Variants in TEX26 observed in about 807,000 individuals in gnomAD.
TEX26 encodes testis-expressed protein 26.
In TEX26, 34 loss-of-function variants were observed where a neutral mutation model predicts 35.3. The observed-to-expected ratio is 0.96, with a 90% CI of 0.73 to 1.28. TEX26 has a LOEUF of 1.28. Among genes scored for constraint, TEX26 ranks in the 50% most tolerant of loss-of-function variants. The pLI, the probability that TEX26 is intolerant of heterozygous loss-of-function variation, is 0.00. For synonymous variants in TEX26, 136 were observed against 111.8 expected (o/e 1.22, Z -1.36); for missense variants, 371 against 330.1 (o/e 1.12, Z -0.96).
rs78971116 is a variant in TEX26, at chr13:30,940,097, A to G, written c.146+319A>G. Among the ~76,000 whole-genome samples the G allele has an allele frequency of 8.9e-3, 1,353 of 152,264 alleles. 26 individuals are homozygous for G. Among genetic ancestry groups the G allele is most frequent in the African/African-American group, 0.03 (1,259 of 41,538 alleles). ...CTAAACATTCACGTGACTTGAATCC[A>G]TTCCCTAATATAGAGTAGGCAGGCA... On this transcript the variant is annotated intron_variant, in intron 2 of 6. Coordinates refer to ENST00000380473, the MANE Select transcript of TEX26 (RefSeq NM_152325.3).
chr13:30,969,606 G>C (rs1566169091), intron 6 of TEX26, among the ~76,000 whole-genome samples: 19 of 152,140 alleles, frequency 1.2e-4, no homozygotes, highest in Non-Finnish European at 1.5e-5. Context: ...GTCAGTCTGA[G>C]AGTGTATAAA....
chr13:30,975,019 A>G lies in TEX26; in HGVS notation c.*112A>G, dbSNP rs1954836487. On this transcript the variant is annotated 3_prime_UTR_variant, in exon 7 of 7. Transcript: ENST00000380473. Reference sequence around the variant, plus strand: ...AAATAAGATGCAAATAGCTTCAAGTATGATGTGATAGTCATGAATTTGTGT... The same window carrying G: ...AAATAAGATGCAAATAGCTTCAAGTGTGATGTGATAGTCATGAATTTGTGT... 5.9e-6 allele frequency: 4 copies of G among 676,818 alleles called. No homozygotes were observed. The highest frequency in any genetic ancestry group is 9.5e-6 in the Non-Finnish European group (4 of 419,598). The allele number at this position is 676,818 out of a possible 1,614,324, so 41.9% of individuals were successfully genotyped here.
intron 3 of TEX26, among the ~76,000 whole-genome samples, chr13:30,953,116 C>T (rs1010095472): frequency 1.3e-5 from 2 of 152,152 alleles, no homozygotes; most frequent in South Asian, 4.1e-4. Flanking sequence ...TACATACATG[C>T]TGTTGGACAG....
intron 2 of TEX26, among the ~76,000 whole-genome samples, chr13:30,950,174 G>A (rs1208639177): frequency 6.6e-6 from 1 of 152,210 alleles, no homozygotes; most frequent in Non-Finnish European, 1.5e-5. Flanking sequence ...GGGAGGCCAA[G>A]GCGGGTAGGT....
At chr13:30,971,339 T>C (rs886081673) in intron 6 of TEX26, among the ~76,000 whole-genome samples, 2 of 152,152 alleles carry the variant, frequency 1.3e-5, no homozygotes, top group Admixed American at 1.3e-4. Context: ...TATTATCAAC[T>C]CAGCTTAAAT....
chr13:30,967,895 G>A (rs7993586), intron 5 of TEX26, among the ~76,000 whole-genome samples: 42,096 of 152,070 alleles, frequency 0.28, 9,932 homozygotes, highest in African/African-American at 0.65. Flanking sequence ...AAACACCATC[G>A]TTCTTCTAAA....
intron 2 of TEX26, among the ~76,000 whole-genome samples, chr13:30,952,298 C>T (rs1019316318): frequency 6.6e-6 from 1 of 151,888 alleles, no homozygotes; most frequent in African/African-American, 2.4e-5. Context: ...TCTTGTATTT[C>T]TTCCCTTTAT....
At chr13:30,964,049 T>G (rs1336518408) in intron 4 of TEX26, among the ~76,000 whole-genome samples, 2 of 152,196 alleles carry the variant, frequency 1.3e-5, no homozygotes, top group Non-Finnish European at 2.9e-5. Context: ...AAACACACTA[T>G]GCAGTTTTTG....
At chr13:30,945,088 G>C (rs555692013) in intron 2 of TEX26, among the ~76,000 whole-genome samples, 1 of 151,810 alleles carries the variant, frequency 6.6e-6, no homozygotes, top group South Asian at 2.1e-4. Flanking sequence ...CTCATTTCTT[G>C]GGTCTAGTAG....
rs755014653 is a variant in TEX26 at position 30,956,967 on chromosome 13, A to G, written c.407A>G (p.Asn136Ser). The stretch of plus-strand genomic sequence containing the variant: ...ATCCCGGCTTCAATGAAAGAAGTTA[A>G]CAAGGCACTATCAAATCAGTTTATT... ...WKIPASMKEV[N>S]KALSNQFISL... is the part of the protein sequence containing the mutation. Residue 136 changes from asparagine (N) to serine (S), a missense_variant, in exon 4 of 7, where the codon AAC becomes AGC. Physicochemically the swap from Asn to Ser is conservative, Grantham distance 46. Transcript: ENST00000380473. The G allele has an allele frequency of 2.5e-6, 4 of 1,614,114 alleles. No individual in the cohort carries two copies. The highest frequency in any genetic ancestry group is 3.4e-6 in the Non-Finnish European group (4 of 1,180,044).
chr13:30,954,591 T>A (rs772953795), intron 3 of TEX26, among the ~76,000 whole-genome samples: 48 of 151,966 alleles, frequency 3.2e-4, no homozygotes, highest in Admixed American at 6.6e-4. Context: ...CCAGAGTAGC[T>A]TAAAGTACAG....
intron 4 of TEX26, among the ~76,000 whole-genome samples, chr13:30,962,834 T>C (rs895941962): frequency 3.3e-5 from 5 of 152,208 alleles, no homozygotes; most frequent in African/African-American, 1.2e-4. Context: ...TTTTTGTTTT[T>C]TTTTTTGAGA....
In TEX26 at chr13:30,956,905, A is replaced by G; in HGVS notation, c.345A>G (p.Gln115=). 6.2e-7 allele frequency: 1 copy of G among 1,614,234 alleles called. No individual in the cohort carries two copies. Among genetic ancestry groups the G allele is most frequent in the Non-Finnish European group, 8.5e-7 (1 of 1,180,024 alleles). The change falls in exon 4 of 7, where the codon CAA becomes CAG. Residue 115 remains glutamine, a synonymous_variant. Transcript: ENST00000380473. ...TCCTGTGGACACTACCTCACTGTCA[A>G]CAAACGGGGACACTAAAGAACTGCC... The part of the protein sequence containing the change: ...DIFLWTLPHC[Q]QTGTLKNCLP...
intron 6 of TEX26, among the ~76,000 whole-genome samples, chr13:30,974,265 A>G (rs1412796424): frequency 6.6e-6 from 1 of 151,596 alleles, no homozygotes; most frequent in East Asian, 1.9e-4. Context: ...CCCAAGGTCA[A>G]ACAGTTACCA....
chr13:30,934,214 C>T (rs191121082), intron 1 of TEX26, among the ~76,000 whole-genome samples: 1 of 152,226 alleles, frequency 6.6e-6, no homozygotes, highest in Admixed American at 6.5e-5. Flanking sequence ...CTCCAAAGCT[C>T]TTTTTCCCCC....
At chr13:30,941,192 A>T (rs2138188775) in intron 2 of TEX26, among the ~76,000 whole-genome samples, 1 of 152,320 alleles carries the variant, frequency 6.6e-6, no homozygotes, top group Admixed American at 6.5e-5. Context: ...AGTGACTAAC[A>T]CAAAGAAGTT....
chr13:30,936,703 C>T (rs1953284400), intron 1 of TEX26: 2 of 985,406 alleles, frequency 2.0e-6, no homozygotes, highest in African/African-American at 3.5e-5. Flanking sequence ...CTCCACAGGG[C>T]TGGGTCCACG....
chr13:30,948,005 C>T (rs570811506), intron 2 of TEX26, among the ~76,000 whole-genome samples: 6 of 152,066 alleles, frequency 3.9e-5, no homozygotes, highest in African/African-American at 1.2e-4. Flanking sequence ...TTTTTTGTCC[C>T]TGTGATAGTT....
intron 1 of TEX26, among the ~76,000 whole-genome samples, chr13:30,939,474 A>G (rs1258449554): frequency 6.6e-6 from 1 of 152,218 alleles, no homozygotes; most frequent in Admixed American, 6.5e-5. Context: ...ATGAATGCTC[A>G]GGAGAAACAG....
Sources: gnomAD v4.1 joint callset for allele counts (sites outside exome capture counted in the v4.1 genomes callset) on GRCh38, gnomAD v4.1.1 for gene constraint, MANE v1.5 for transcripts, NCBI Gene and HGNC (gene_info 2026-07-23, HGNC 2026-07-21) for gene names.